Variants in PRCP observed in about 807,000 individuals in gnomAD.
The protein encoded by PRCP is lysosomal Pro-X carboxypeptidase.
In PRCP, 46 loss-of-function variants were observed where a neutral mutation model predicts 54.2. That is an observed-to-expected ratio of 0.85 (90% CI 0.67 to 1.09). The LOEUF (loss-of-function observed/expected upper bound fraction) is 1.09. Among genes scored for constraint, PRCP ranks in the 50% least tolerant of loss-of-function variants. PRCP has a pLI of 0.00. For synonymous variants in PRCP, 240 were observed against 212.2 expected, an observed-to-expected ratio of 1.13 and a Z score of -1.14; for missense variants, 613 against 596.8, an observed-to-expected ratio of 1.03 and a Z score of -0.28.
chr11:82,833,748 G>A (rs907515623), intron 8 of PRCP, among the ~76,000 whole-genome samples: 2 of 152,060 alleles, frequency 1.3e-5, no homozygotes, highest in Non-Finnish European at 2.9e-5. Context: ...CAACTTTATG[G>A]GGTGAGTGGT....
intron 1 of PRCP, among the ~76,000 whole-genome samples, chr11:82,896,678 C>CAAA (rs68047129): frequency 5.9e-4 from 33 of 55,658 alleles, no homozygotes; most frequent in Admixed American, 8.6e-4. Context: ...GACTCCAACT[C>CAAA]AAAAAAAAAA....
intron 2 of PRCP, among the ~76,000 whole-genome samples, chr11:82,856,314 A>T (rs950676573): frequency 1.3e-5 from 2 of 152,258 alleles, no homozygotes; most frequent in Non-Finnish European, 2.9e-5. Context: ...TGGTCTATAT[A>T]CACCATAGAA....
At chr11:82,883,962 T>C (rs1565234618) in intron 1 of PRCP, among the ~76,000 whole-genome samples, 1 of 151,888 alleles carries the variant, frequency 6.6e-6, no homozygotes, top group South Asian at 2.1e-4. Context: ...GAGAAGAGAG[T>C]CATCACCGCT....
intron 1 of PRCP, among the ~76,000 whole-genome samples, chr11:82,883,258 C>T (rs1278028115): frequency 6.6e-6 from 1 of 152,142 alleles, no homozygotes; most frequent in Non-Finnish European, 1.5e-5. Context: ...AGTTACCCAG[C>T]CCATGGCAGG....
Position 82,891,967 on chromosome 11 carries a change from C to A in PRCP, c.168+8268G>T, listed in dbSNP as rs143917788. Among the ~76,000 whole-genome samples, 409 of 152,128 alleles carry A rather than the reference C, an allele frequency of 2.7e-3. 1 individual carries two copies. The highest frequency in any genetic ancestry group is 8.9e-3 in the African/African-American group (369 of 41,498). On this transcript the variant is annotated intron_variant, in intron 1 of 8. Transcript: ENST00000313010. ...TATTTACAATTTGGGACTGAAAAAC[C>A]AGGATATTTACAAATGGGATATTTT...
At chr11:82,862,787 A>G (rs571143873) in intron 1 of PRCP, among the ~76,000 whole-genome samples, 1 of 152,246 alleles carries the variant, frequency 6.6e-6, no homozygotes, top group Non-Finnish European at 1.5e-5. Flanking sequence ...TCCATGTGCT[A>G]TAAACCCTTC....
Position 82,825,015 on chromosome 11 carries a change from G to A in PRCP, c.1382C>T (p.Thr461Ile). ...SEGAHHLDLR[T>I]KNALDPMSVL... Reference sequence around the variant, plus strand: ...AGACATAGGATCCAAGGCATTCTTGGTGCGGAGATCTAAGTGGTGGGCCCC... The same window carrying A: ...AGACATAGGATCCAAGGCATTCTTGATGCGGAGATCTAAGTGGTGGGCCCC... Residue 461 changes from threonine (T) to isoleucine (I), a missense_variant, in exon 9 of 9, where the codon ACC becomes ATC. Thr to Ile is a moderately conservative substitution (Grantham distance 89). Coordinates refer to ENST00000313010, the MANE Select transcript of PRCP (RefSeq NM_005040.4). 6.2e-7 allele frequency: 1 copy of A among 1,614,122 alleles called. No individual in the cohort carries two copies. The highest frequency in any genetic ancestry group is 8.5e-7 in the Non-Finnish European group (1 of 1,179,998).
chr11:82,867,533 C>T lies in PRCP; in HGVS notation c.169-7416G>A, dbSNP rs145891025. On this transcript the variant is annotated intron_variant, in intron 1 of 8. Transcript: ENST00000313010. ...TTGGTCAAACAGCTCTGTGAAAGCA[C>T]CACATAATCAATGCCTTCCCACGGC... Among the ~76,000 whole-genome samples, 5 of 152,274 alleles carry T rather than the reference C, an allele frequency of 3.3e-5. No individual in the cohort carries two copies. The East Asian group carries it at 9.6e-4, about 29-fold the overall frequency.
chr11:82,897,929 T>C (rs1039190106), intron 1 of PRCP, among the ~76,000 whole-genome samples: 1 of 152,204 alleles, frequency 6.6e-6, no homozygotes, highest in Non-Finnish European at 1.5e-5. Context: ...TTATAAAGTT[T>C]AATAAAAATT....
intron 8 of PRCP, 132 bp downstream of exon 8, chr11:82,838,255 A>G: frequency 1.3e-6 from 1 of 797,576 alleles, no homozygotes; most frequent in South Asian, 2.8e-5. Flanking sequence ...TTCAAGGCAT[A>G]GGAAAACATG....
At chr11:82,865,881 G>A (rs1859320681) in intron 1 of PRCP, among the ~76,000 whole-genome samples, 1 of 152,128 alleles carries the variant, frequency 6.6e-6, no homozygotes, top group African/African-American at 2.4e-5. Context: ...GAAGAACACG[G>A]GTTCCCAAAG....
intron 1 of PRCP, among the ~76,000 whole-genome samples, chr11:82,881,664 T>G (rs1480556334): frequency 6.6e-6 from 1 of 152,162 alleles, no homozygotes; most frequent in Non-Finnish European, 1.5e-5. Flanking sequence ...CTGGTAACCC[T>G]GGGAAAGCAA....
chr11:82,869,268 A>T (rs1859419548), intron 1 of PRCP, among the ~76,000 whole-genome samples: 1 of 151,096 alleles, frequency 6.6e-6, no homozygotes, highest in South Asian at 2.1e-4. Context: ...AGATCAGAGG[A>T]TCCCTTGAGC....
intron 1 of PRCP, among the ~76,000 whole-genome samples, chr11:82,876,875 GAACTGGAT>G (rs1859615646): frequency 6.6e-6 from 1 of 152,204 alleles, no homozygotes; most frequent in Non-Finnish European, 1.5e-5. Flanking sequence ...AGCAAATTTG[GAACTGGAT>G]AACAGGCAGA....
intron 6 of PRCP, 37 bp from the exon 7 acceptor site, chr11:82,839,462 A>C: frequency 6.4e-7 from 1 of 1,551,876 alleles, no homozygotes; most frequent in East Asian, 2.2e-5. Flanking sequence ...AAAGAGTCAG[A>C]ATATGAATAT....
intron 1 of PRCP, among the ~76,000 whole-genome samples, chr11:82,878,527 C>T (rs1371466087): frequency 6.6e-6 from 1 of 152,186 alleles, no homozygotes; most frequent in Non-Finnish European, 1.5e-5. Flanking sequence ...GAATAAGTCT[C>T]ATGAGATCTG....
At chr11:82,854,134 G>A (rs1055775446) in intron 2 of PRCP, among the ~76,000 whole-genome samples, 5 of 151,958 alleles carry the variant, frequency 3.3e-5, no homozygotes, top group South Asian at 2.1e-4. Flanking sequence ...TATCCAACAC[G>A]GCACTGGAAG....
At chr11:82,862,536 C>T (rs1049197591) in intron 1 of PRCP, among the ~76,000 whole-genome samples, 2 of 152,150 alleles carry the variant, frequency 1.3e-5, no homozygotes, top group Non-Finnish European at 2.9e-5. Flanking sequence ...CCCTGTAAGA[C>T]TTGCCTAGGT....
intron 8 of PRCP, among the ~76,000 whole-genome samples, chr11:82,835,335 C>G (rs1858494715): frequency 6.6e-6 from 1 of 152,210 alleles, no homozygotes; most frequent in Non-Finnish European, 1.5e-5. Context: ...AGGCAAACAG[C>G]TCTCCTCATC....
Sources: allele counts gnomAD v4.1 joint callset (sites outside exome capture counted in the v4.1 genomes callset), GRCh38; gene constraint gnomAD v4.1.1; transcripts MANE v1.5; gene names NCBI Gene and HGNC (gene_info 2026-07-23, HGNC 2026-07-21).